The following IFT74 variants were observed in gnomAD, a reference collection of about 807,000 sequenced individuals.
IFT74 encodes the protein intraflagellar transport protein 74 homolog.
In IFT74, 92 loss-of-function variants were observed where a neutral mutation model predicts 96.7. That is an observed-to-expected ratio of 0.95 (90% CI 0.80 to 1.13). IFT74 has a LOEUF of 1.13. IFT74 is among the 50% of genes most tolerant of loss of function. The probability of loss-of-function intolerance (pLI) is 0.00; values close to 1 mark genes in which losing one functional copy is unlikely to be tolerated. For missense variants in IFT74, 811 were observed against 698.2 expected, an observed-to-expected ratio of 1.16 and a Z score of -1.82; for synonymous variants, 223 against 213.2, an observed-to-expected ratio of 1.05 and a Z score of -0.40.
intron 2 of IFT74, among the ~76,000 whole-genome samples, chr9:26,973,221 A>G (rs1826955542): frequency 6.6e-6 from 1 of 152,202 alleles, no homozygotes; most frequent in Admixed American, 6.5e-5. Flanking sequence ...GGTTGGGGAC[A>G]ACAGGTTGAG....
At chr9:27,024,251 C>G (rs188300360) in intron 12 of IFT74, among the ~76,000 whole-genome samples, 7 of 152,320 alleles carry the variant, frequency 4.6e-5, no homozygotes, top group African/African-American at 1.7e-4. Flanking sequence ...CAAGAACTCT[C>G]ACAGAATCCA....
intron 1 of IFT74, 94 bp from the exon 2 acceptor site, chr9:26,961,841 CAGTTTGCAAGAACA>C: frequency 8.7e-7 from 1 of 1,154,484 alleles, no homozygotes; most frequent in Non-Finnish European, 1.3e-6. Flanking sequence ...CACAGAACGG[CAGTTTGCAAGAACA>C]ATTGTTGTGA....
At chr9:26,967,390 G>A (rs1587249906) in intron 2 of IFT74, among the ~76,000 whole-genome samples, 1 of 151,692 alleles carries the variant, frequency 6.6e-6, no homozygotes, top group Non-Finnish European at 1.5e-5. Flanking sequence ...TTTTTTTCAT[G>A]TTGTTCCCTG....
Position 27,025,443 on chromosome 9 carries a change from CAAA to C in IFT74, c.975-3564_975-3562del, listed in dbSNP as rs57335230. Among the ~76,000 whole-genome samples, 4 of 77,708 alleles carry C rather than the reference CAAA, an allele frequency of 5.1e-5. No homozygotes were observed. The Admixed American group carries it at 6.1e-4, about 12-fold the overall frequency. 51.0% of individuals were successfully genotyped at this position (77,708 alleles called of 152,430 possible). A position where few individuals can be genotyped will look rare whatever the true frequency, so the allele number is the denominator to read the frequency against. On this transcript the variant is annotated intron_variant, in intron 12 of 19. Transcript: ENST00000380062. ...GGGTGACAGAGTGAGACTCCATCTCCAAAAAAAAAAAAAAAAAAAAGAAAAGAA... is the reference window on the plus strand; with the variant it reads ...GGGTGACAGAGTGAGACTCCATCTCCAAAAAAAAAAAAAAAAAGAAAAGAA...
chr9:27,061,284 C>T (rs990019795), intron 19 of IFT74, among the ~76,000 whole-genome samples: 45 of 152,064 alleles, frequency 3.0e-4, no homozygotes, highest in Admixed American at 2.7e-3. Flanking sequence ...TGGAGTTGGG[C>T]GATCCAATTT....
intron 1 of IFT74, among the ~76,000 whole-genome samples, chr9:26,957,868 A>G (rs1043845580): frequency 2.0e-5 from 3 of 151,272 alleles, no homozygotes; most frequent in African/African-American, 7.3e-5. Flanking sequence ...ATCTCGGCTC[A>G]CTGCAAGCTC....
At chr9:27,039,203 TA>T (rs1252419775) in intron 13 of IFT74, among the ~76,000 whole-genome samples, 1 of 152,176 alleles carries the variant, frequency 6.6e-6, no homozygotes, top group Non-Finnish European at 1.5e-5. Context: ...TTTTAATTTT[TA>T]AATTTTTTGT....
chr9:27,018,054 C>T (rs557506793), intron 11 of IFT74, among the ~76,000 whole-genome samples: 45 of 152,048 alleles, frequency 3.0e-4, no homozygotes, highest in African/African-American at 7.2e-4. Flanking sequence ...TGTGTAGTTC[C>T]TTGGAGAGAA....
intron 8 of IFT74, chr9:26,997,620 CA>C: frequency 8.5e-7 from 1 of 1,182,162 alleles, no homozygotes; most frequent in South Asian, 1.6e-5. Context: ...AGGCATGAGC[CA>C]CTGCGCCTGG....
chr9:27,003,310 G>A (rs529424607), intron 8 of IFT74, among the ~76,000 whole-genome samples: 45 of 152,114 alleles, frequency 3.0e-4, no homozygotes, highest in African/African-American at 7.2e-4. Flanking sequence ...ATCACCTGAG[G>A]TCAGGAGTTT....
At chr9:27,060,725 G>A (rs543956629) in intron 19 of IFT74, 74 bp downstream of exon 19, 9 of 1,022,238 alleles carry the variant, frequency 8.8e-6, no homozygotes, top group South Asian at 1.7e-5. Flanking sequence ...TTGGGAGGCC[G>A]AGGCAGGTGG....
rs959937713 is a variant in IFT74, at chr9:26,947,193, G to A, written c.-20+47G>A. 1.8e-5 allele frequency: 17 copies of A among 960,982 alleles called. No homozygotes were observed. In the South Asian group the frequency reaches 2.5e-4, roughly 14 times the overall value. The allele number at this position is 960,982 out of a possible 1,614,324, so 59.5% of individuals were successfully genotyped here. ...GAAGAGCCCGAGAGCCGGTACGGAA[G>A]GGCGGCTGGGAAGGGGCGCGCCGAG... On this transcript the variant is annotated intron_variant, in intron 1 of 19. Transcript: ENST00000433700.
intron 8 of IFT74, among the ~76,000 whole-genome samples, chr9:27,001,954 T>TA (rs1828518485): frequency 6.6e-6 from 1 of 150,986 alleles, no homozygotes. Context: ...TTTTTTTTTT[T>TA]AAATAAAGAA....
chr9:26,963,490 G>A (rs1826462337), intron 2 of IFT74, among the ~76,000 whole-genome samples: 2 of 150,178 alleles, frequency 1.3e-5, no homozygotes, highest in African/African-American at 4.9e-5. Context: ...GGGATGGCTG[G>A]GTCAAATGGT....
intron 18 of IFT74, 113 bp from the exon 19 acceptor site, chr9:27,060,478 G>A (rs533863907): frequency 2.0e-4 from 104 of 529,214 alleles, no homozygotes; most frequent in Middle Eastern, 1.3e-3. Flanking sequence ...TCAATAAAAT[G>A]TAAGTTGATA....
At position 27,056,249 on chromosome 9, in the gene IFT74, A is replaced by G; in HGVS notation, c.1498-85A>G. The G allele has an allele frequency of 2.9e-6, 3 of 1,033,498 alleles. No individual in the cohort carries two copies. In the South Asian group the frequency reaches 4.4e-5, roughly 15 times the overall value. The allele number at this position is 1,033,498 out of a possible 1,614,324, so 64.0% of individuals were successfully genotyped here. ...CCTTGATATAATTTTACCAGAATAT[A>G]GTTATTGAAATTAAGTTAAATATGA... On this transcript the variant is annotated intron_variant, in intron 17 of 19. Coordinates refer to ENST00000380062, the MANE Select transcript of IFT74 (RefSeq NM_025103.4).
intron 12 of IFT74, among the ~76,000 whole-genome samples, chr9:27,024,183 CT>C (rs1381547465): frequency 2.0e-5 from 3 of 152,206 alleles, no homozygotes; most frequent in African/African-American, 7.2e-5. Context: ...CACATGACAG[CT>C]TCACTGCCAG....
At chr9:27,032,196 A>G in intron 13 of IFT74, among the ~76,000 whole-genome samples, 1 of 152,242 alleles carries the variant, frequency 6.6e-6, no homozygotes, top group East Asian at 1.9e-4. Context: ...CTTAGATTTC[A>G]ACTTTCTCAA....
chr9:26,995,532 C>T (rs937926804), intron 8 of IFT74: 4 of 1,541,148 alleles, frequency 2.6e-6, no homozygotes, highest in Non-Finnish European at 3.5e-6. Context: ...TAATTTTCTT[C>T]ACATAATTCA....
Sources: gnomAD v4.1 joint callset for allele counts (sites outside exome capture counted in the v4.1 genomes callset) on GRCh38, gnomAD v4.1.1 for gene constraint, MANE v1.5 for transcripts, NCBI Gene and HGNC (gene_info 2026-07-23, HGNC 2026-07-21) for gene names.